AKT2: variants seen among roughly 807,000 people sequenced by gnomAD.
The protein encoded by AKT2 is AKT serine/threonine kinase 2.
Under a neutral mutation model 58.6 loss-of-function variants are expected in AKT2, and 16 were observed. That is an observed-to-expected ratio of 0.27 (90% CI 0.18 to 0.41). The LOEUF (loss-of-function observed/expected upper bound fraction) is 0.41. Among genes scored for constraint, AKT2 ranks in the 10% least tolerant of loss-of-function variants. The probability of loss-of-function intolerance (pLI) is 1.00; values close to 1 mark genes in which losing one functional copy is unlikely to be tolerated. For missense variants in AKT2, 438 were observed against 661.0 expected (o/e 0.66, Z 3.70); for synonymous variants, 253 against 254.0 (o/e 1.00, Z 0.04).
At position 40,235,828 on chromosome 19, in the gene AKT2, A is replaced by G. The variant is rs543640022; in HGVS notation, c.1175+62T>C. 2.0e-6 allele frequency: 3 copies of G among 1,516,294 alleles called. No homozygotes were observed. The highest frequency in any genetic ancestry group is 2.7e-6 in the Non-Finnish European group (3 of 1,122,512). 93.9% of individuals were successfully genotyped at this position (1,516,294 alleles called of 1,614,324 possible). On this transcript the variant is annotated intron_variant, in intron 11 of 13. Transcript: ENST00000392038. This position sits in a 1 kb window ranked among gnomAD's most constrained non-coding sequence, Gnocchi z 6.3. ...CACCCTTGTGGACGCTGCCCCCTCC[A>G]GGCCGCAGGGACAGTGGCAGCAGCT...
chr19:40,236,159 A>G, intron 10 of AKT2, 55 bp from the exon 11 acceptor site: 3 of 1,613,068 alleles, frequency 1.9e-6, no homozygotes, highest in Non-Finnish European at 2.5e-6. Context: ...CTGGCATCAC[A>G]GTCCTGCCCT....
At chr19:40,281,028 G>A (rs976488642) in intron 1 of AKT2, among the ~76,000 whole-genome samples, 3 of 152,172 alleles carry the variant, frequency 2.0e-5, no homozygotes, top group Non-Finnish European at 4.4e-5. Flanking sequence ...AAATGGTGGC[G>A]GATGAGTGAA....
rs1458843989 is a variant in AKT2, at chr19:40,256,906, C to G, written c.175+20G>C. 5 of 1,613,900 alleles carry G rather than the reference C, an allele frequency of 3.1e-6. No homozygotes were observed. The South Asian group carries it at 5.5e-5, about 18-fold the overall frequency. ...ATCCTGTGAGCACCAGAACACTGACCCACTCATCCCAAGACACACCTGCTA... is the reference window on the plus strand; with the variant it reads ...ATCCTGTGAGCACCAGAACACTGACGCACTCATCCCAAGACACACCTGCTA... On this transcript the variant is annotated intron_variant, in intron 3 of 13. Coordinates refer to ENST00000392038, the MANE Select transcript of AKT2 (RefSeq NM_001626.6).
At chr19:40,264,638 T>C (rs1976208360) in intron 2 of AKT2, among the ~76,000 whole-genome samples, 1 of 152,082 alleles carries the variant, frequency 6.6e-6, no homozygotes, top group African/African-American at 2.4e-5. Context: ...GGGACACCCT[T>C]GCCCAGCCAG....
chr19:40,277,328 C>A (rs2077345065), intron 1 of AKT2, among the ~76,000 whole-genome samples: 1 of 152,170 alleles, frequency 6.6e-6, no homozygotes, highest in African/African-American at 2.4e-5. Context: ...AGAGTCAATG[C>A]CCTGCAGACA....
chr19:40,275,553 G>C (rs973968559), intron 1 of AKT2: 2 of 351,928 alleles, frequency 5.7e-6, no homozygotes, highest in East Asian at 1.5e-4. Flanking sequence ...CAGCGAGTAG[G>C]TGCAGGAGAG....
chr19:40,262,096 T>C (rs1370646023), intron 2 of AKT2, among the ~76,000 whole-genome samples: 1 of 152,038 alleles, frequency 6.6e-6, no homozygotes, highest in Non-Finnish European at 1.5e-5. Context: ...TTTCATACTT[T>C]GGTAACAAGC....
At chr19:40,281,520 C>T (rs1401397869) in intron 1 of AKT2, among the ~76,000 whole-genome samples, 1 of 152,108 alleles carries the variant, frequency 6.6e-6, no homozygotes, top group Non-Finnish European at 1.5e-5. Flanking sequence ...AGCACAGAGC[C>T]TGACCTCTGA....
chr19:40,236,494 A>G (rs1974035760), intron 9 of AKT2, 109 bp from the exon 10 acceptor site: 3 of 1,461,810 alleles, frequency 2.1e-6, no homozygotes, highest in South Asian at 2.4e-5. Context: ...CAACCCTCCC[A>G]TGCCAGGCTG....
intron 1 of AKT2, among the ~76,000 whole-genome samples, chr19:40,278,921 C>T (rs2077374590): frequency 6.6e-6 from 1 of 151,636 alleles, no homozygotes; most frequent in African/African-American, 2.4e-5. Context: ...TCACCCACGT[C>T]AGCTACCCCC....
intron 1 of AKT2, among the ~76,000 whole-genome samples, chr19:40,283,422 A>G (rs1293311340): frequency 6.6e-6 from 1 of 152,234 alleles, no homozygotes; most frequent in Non-Finnish European, 1.5e-5. Flanking sequence ...GATTCTACAG[A>G]GTCGCCGCTG....
At chr19:40,281,321 G>T (rs113345009) in intron 1 of AKT2, among the ~76,000 whole-genome samples, 1 of 152,018 alleles carries the variant, frequency 6.6e-6, no homozygotes, top group African/African-American at 2.4e-5. Flanking sequence ...CGAGACTCCC[G>T]TTTCCACAAA....
At chr19:40,260,574 G>A (rs112794782) in intron 2 of AKT2, among the ~76,000 whole-genome samples, 4 of 130,460 alleles carry the variant, frequency 3.1e-5, no homozygotes, top group Admixed American at 1.8e-4. Context: ...AGGCTGCAGT[G>A]AGCCGAGATC....
chr19:40,233,127 G>A lies in AKT2; in HGVS notation c.*745C>T, dbSNP rs41300082. ...CTGGAAGGAAGCCCTAGTAAGGCAC[G>A]GGGCTGGGAGGCAGGCAGGTTTGGC... is the stretch of plus-strand genomic sequence containing the variant. On this transcript the variant is annotated 3_prime_UTR_variant, in exon 14 of 14. Transcript: ENST00000392038. The surrounding 1 kb of genome is among the most constrained non-coding windows in gnomAD (Gnocchi z 4.3). 491 of 237,374 alleles carry A rather than the reference G, an allele frequency of 2.1e-3. 2 individuals carry two copies. Among genetic ancestry groups the A allele is most frequent in the Admixed American group, 5.4e-3 (98 of 18,296 alleles). The allele number at this position is 237,374 out of a possible 1,614,324, so 14.7% of individuals were successfully genotyped here.
At position 40,234,315 on chromosome 19, in the gene AKT2, C is replaced by A; in HGVS notation, c.1367-364G>T. On this transcript the variant is annotated intron_variant, in intron 13 of 13. Transcript: ENST00000392038. The surrounding 1 kb of genome is among the most constrained non-coding windows in gnomAD (Gnocchi z 4.7). Reference sequence around the variant, plus strand: ...CTCCACGGGCAGCCAGGGGGGCTTTCTAAAGGCCTGCTTTAACCCTGTCCC... The same window carrying A: ...CTCCACGGGCAGCCAGGGGGGCTTTATAAAGGCCTGCTTTAACCCTGTCCC... The A allele has an allele frequency of 3.2e-6, 1 of 313,826 alleles. No homozygotes were observed. The highest frequency in any genetic ancestry group is 5.9e-6 in the Non-Finnish European group (1 of 168,422). 19.4% of individuals were successfully genotyped at this position (313,826 alleles called of 1,614,324 possible).
chr19:40,236,374 G>A lies in AKT2; in HGVS notation c.843C>T (p.Leu281=), dbSNP rs1375641137. Residue 281 remains leucine, a synonymous_variant, in exon 10 of 14, where the codon CTC becomes CTT. Transcript: ENST00000392038. ...TGATGTGGCCATCTTTGTCCAGCAT[G>A]AGGTTTTCCAGCTGTTGGAAAAGTC... is the stretch of plus-strand genomic sequence containing the variant. The part of the protein sequence containing the change: ...VVYRDIKLEN[L]MLDKDGHIKI... 1 of 1,614,146 alleles carries A rather than the reference G, an allele frequency of 6.2e-7. No homozygotes were observed. Among genetic ancestry groups the A allele is most frequent in the South Asian group, 1.1e-5 (1 of 91,086 alleles).
chr19:40,233,061 G>GGGCCA lies in AKT2; in HGVS notation c.*806_*810dup. The GGGCCA allele has an allele frequency of 4.2e-6, 1 of 236,152 alleles. No homozygotes were observed. The highest frequency in any genetic ancestry group is 8.3e-6 in the Non-Finnish European group (1 of 120,170). The allele number at this position is 236,152 out of a possible 1,614,324, so 14.6% of individuals were successfully genotyped here. A position where few individuals can be genotyped will look rare whatever the true frequency, so the allele number is the denominator to read the frequency against. ...TGAGCCCAGCCCATAGCCCCCAGTGGGGCCAGGCCAGGCCCAGGGTCCAGC... is the reference window on the plus strand; with the variant it reads ...TGAGCCCAGCCCATAGCCCCCAGTGGGGCCAGGCCAGGCCAGGCCCAGGGTCCAGC... On this transcript the variant is annotated 3_prime_UTR_variant, in exon 14 of 14. Transcript: ENST00000392038. The surrounding 1 kb of genome is among the most constrained non-coding windows in gnomAD (Gnocchi z 4.3).
In AKT2 at chr19:40,285,287, G is replaced by C. The variant is rs2077495149; in HGVS notation, c.-191C>G. The C allele has an allele frequency of 2.5e-6, 1 of 394,942 alleles. No homozygotes were observed. Among genetic ancestry groups the C allele is most frequent in the African/African-American group, 2.1e-5 (1 of 48,330 alleles). The allele number at this position is 394,942 out of a possible 1,614,324, so 24.5% of individuals were successfully genotyped here. A position where few individuals can be genotyped will look rare whatever the true frequency, so the allele number is the denominator to read the frequency against. Reference sequence around the variant, plus strand: ...GTTTCCCGGCAGCGGCAACGGCGCCGGCAGCGGCAGCGGCGGCGGCGACGC... The same window carrying C: ...GTTTCCCGGCAGCGGCAACGGCGCCCGCAGCGGCAGCGGCGGCGGCGACGC... On this transcript the variant is annotated 5_prime_UTR_variant, in exon 1 of 14. Transcript: ENST00000392038.
At chr19:40,259,887 T>A (rs1251224284) in intron 2 of AKT2, among the ~76,000 whole-genome samples, 2 of 152,206 alleles carry the variant, frequency 1.3e-5, no homozygotes, top group Non-Finnish European at 2.9e-5. Context: ...GCGCGGTAGC[T>A]CACACCTGTA....
Sources: gnomAD v4.1 joint callset for allele counts (sites outside exome capture counted in the v4.1 genomes callset) on GRCh38, gnomAD v4.1.1 for gene constraint, Gnocchi (gnomAD v3.1) non-coding constraint, MANE v1.5 for transcripts, NCBI Gene and HGNC (gene_info 2026-07-23, HGNC 2026-07-21) for gene names.